Variants in TMEM263 observed in about 807,000 individuals in gnomAD.
TMEM263 encodes the protein UPF0444 transmembrane protein C12orf23.
A neutral mutation model predicts 8.6 loss-of-function variants in TMEM263; 5 were observed. That is an observed-to-expected ratio of 0.58 (90% CI 0.31 to 1.23). TMEM263 has a LOEUF of 1.23. Among genes scored for constraint, TMEM263 ranks in the 50% most tolerant of loss-of-function variants. TMEM263 has a pLI of 0.07. For synonymous variants in TMEM263, 50 were observed against 47.9 expected (o/e 1.04, Z -0.18); for missense variants, 104 against 138.8 (o/e 0.75, Z 1.26).
At chr12:106,961,079 G>C (rs979008491) in intron 2 of TMEM263, among the ~76,000 whole-genome samples, 1 of 152,026 alleles carries the variant, frequency 6.6e-6, no homozygotes, top group Non-Finnish European at 1.5e-5. Flanking sequence ...GTTTGAGACA[G>C]GGTCTCGCTC....
intron 3 of TMEM263, among the ~76,000 whole-genome samples, chr12:106,970,102 A>G (rs1307538462): frequency 1.3e-5 from 2 of 152,168 alleles, no homozygotes; most frequent in Non-Finnish European, 2.9e-5. Context: ...AGATAACACG[A>G]TTTTAAATGA....
chr12:106,958,348 C>T (rs1307764310), intron 2 of TMEM263, among the ~76,000 whole-genome samples: 1 of 151,896 alleles, frequency 6.6e-6, no homozygotes, highest in Admixed American at 6.5e-5. Context: ...TACTGAAACC[C>T]ACAAACAAGA....
intron 2 of TMEM263, 70 bp downstream of exon 2, chr12:106,957,219 TGC>T: frequency 3.2e-6 from 3 of 928,302 alleles, no homozygotes; most frequent in Non-Finnish European, 3.9e-6. Flanking sequence ...TGTATGTGTG[TGC>T]GCGCTCGCGC....
Position 106,962,217 on chromosome 12 carries a change from A to C in TMEM263, c.-6-4894A>C, listed in dbSNP as rs917800600. 3.5e-5 allele frequency among the ~76,000 whole-genome samples: 5 copies of C among 144,772 alleles called. No individual in the cohort carries two copies. In the East Asian group the frequency reaches 6.7e-4, roughly 19 times the overall value. 95.0% of individuals were successfully genotyped at this position (144,772 alleles called of 152,430 possible). A position where few individuals can be genotyped will look rare whatever the true frequency, so the allele number is the denominator to read the frequency against. ...AAAATGTAAAACTTATGTATTTCTA[A>C]CCCCCCCCGCCCCCTGGCAATCTTT... On this transcript the variant is annotated intron_variant, in intron 2 of 3. Coordinates refer to ENST00000280756, the MANE Select transcript of TMEM263 (RefSeq NM_152261.4).
At position 106,967,097 on chromosome 12, in the gene TMEM263, TG is replaced by T. The variant is rs772893796; in HGVS notation, c.-6-13del. On this transcript the variant is annotated splice_polypyrimidine_tract_variant and intron_variant, in intron 2 of 3. Coordinates refer to ENST00000280756, the MANE Select transcript of TMEM263 (RefSeq NM_152261.4). ...GAGGTTAAAATGAAATGTGTTTGTATGTTTTTTTTTTAGGAGATCATGAATC... is the reference window on the plus strand; with the variant it reads ...GAGGTTAAAATGAAATGTGTTTGTATTTTTTTTTTTAGGAGATCATGAATC... 7 of 1,518,222 alleles carry T rather than the reference TG, an allele frequency of 4.6e-6. No homozygotes were observed. The highest frequency in any genetic ancestry group is 2.8e-5 in the African/African-American group (2 of 71,400). The allele number at this position is 1,518,222 out of a possible 1,614,324, so 94.0% of individuals were successfully genotyped here.
At chr12:106,959,750 T>C (rs1275025409) in intron 2 of TMEM263, among the ~76,000 whole-genome samples, 1 of 152,182 alleles carries the variant, frequency 6.6e-6, no homozygotes, top group Non-Finnish European at 1.5e-5. Flanking sequence ...AGAGGTAATA[T>C]CACTAAAAGT....
chr12:106,967,034 C>T (rs1456819876), intron 2 of TMEM263, 77 bp from the exon 3 acceptor site: 23 of 904,248 alleles, frequency 2.5e-5, no homozygotes, highest in East Asian at 1.3e-4. Flanking sequence ...TTGATGAAAT[C>T]GCAATTTAGC....
At chr12:106,963,427 G>T (rs1177979737) in intron 2 of TMEM263, among the ~76,000 whole-genome samples, 1 of 152,170 alleles carries the variant, frequency 6.6e-6, no homozygotes, top group Non-Finnish European at 1.5e-5. Context: ...TTAGGCAACA[G>T]AATTTACCGA....
At position 106,972,561 on chromosome 12, in the gene TMEM263, C is replaced by T. The variant is rs1951936991; in HGVS notation, c.*1170C>T. 6.6e-6 allele frequency: 1 copy of T among 152,008 alleles called. No homozygotes were observed. The highest frequency in any genetic ancestry group is 6.6e-5 in the Admixed American group (1 of 15,262). 9.4% of individuals were successfully genotyped at this position (152,008 alleles called of 1,614,324 possible). On this transcript the variant is annotated 3_prime_UTR_variant, in exon 4 of 4. Transcript: ENST00000280756. The stretch of plus-strand genomic sequence containing the variant: ...CTTTAAAAACATGTTATCTTACAGT[C>T]CTTTAAAGCAGCCATAGAGTTTGTA...
chr12:106,965,135 CT>C, intron 2 of TMEM263, among the ~76,000 whole-genome samples: 1 of 152,322 alleles, frequency 6.6e-6, no homozygotes, highest in African/African-American at 2.4e-5. Flanking sequence ...CCCTGCCACA[CT>C]TTACTGGCTG....
rs1013850582 is a variant in TMEM263 at position 106,955,983 on chromosome 12, C to T, written c.-157C>T. On this transcript the variant is annotated 5_prime_UTR_variant, in exon 1 of 4. Transcript: ENST00000280756. ...CCGGGGTTGTGCCGGCCGCCGCTGC[C>T]GCCCAGGCCGCCTCAGCTCTCCTCT... 102 of 986,482 alleles carry T rather than the reference C, an allele frequency of 1.0e-4. No homozygotes were observed. In the African/African-American group the frequency reaches 1.4e-3, roughly 14 times the overall value. 61.1% of individuals were successfully genotyped at this position (986,482 alleles called of 1,614,324 possible).
At chr12:106,961,165 C>T (rs12099564) in intron 2 of TMEM263, among the ~76,000 whole-genome samples, 1 of 145,708 alleles carries the variant, frequency 6.9e-6, no homozygotes, top group African/African-American at 2.5e-5. Context: ...TTAAGCAGTT[C>T]TTCCTCTTCA....
intron 2 of TMEM263, among the ~76,000 whole-genome samples, chr12:106,965,958 CAGAT>C (rs569203884): frequency 7.2e-5 from 11 of 152,088 alleles, no homozygotes; most frequent in East Asian, 5.8e-4. Flanking sequence ...AGGACTTTCT[CAGAT>C]AGAACACCTT....
In TMEM263 at chr12:106,957,096, G is replaced by T; in HGVS notation, c.-60G>T. 1 of 985,472 alleles carries T rather than the reference G, an allele frequency of 1.0e-6. No individual in the cohort carries two copies. Among genetic ancestry groups the T allele is most frequent in the Non-Finnish European group, 1.2e-6 (1 of 830,028 alleles). 61.0% of individuals were successfully genotyped at this position (985,472 alleles called of 1,614,324 possible). Reference sequence around the variant, plus strand: ...CTATTGTTTAGCCTTTGAAACTTCTGCTGGTGTGAGTGCCCTCAGGGGTTC... The same window carrying T: ...CTATTGTTTAGCCTTTGAAACTTCTTCTGGTGTGAGTGCCCTCAGGGGTTC... On this transcript the variant is annotated 5_prime_UTR_variant, in exon 2 of 4. Transcript: ENST00000280756.
chr12:106,964,618 A>G (rs551778723), intron 2 of TMEM263, among the ~76,000 whole-genome samples: 1 of 152,324 alleles, frequency 6.6e-6, no homozygotes, highest in African/African-American at 2.4e-5. Context: ...ATGATGTGCT[A>G]AATTCTCAAA....
At chr12:106,966,227 A>G (rs1298361924) in intron 2 of TMEM263, among the ~76,000 whole-genome samples, 2 of 152,158 alleles carry the variant, frequency 1.3e-5, no homozygotes, top group Non-Finnish European at 2.9e-5. Flanking sequence ...TTCATAAGTG[A>G]GAAAATGCGG....
At chr12:106,969,248 A>G (rs1277488544) in intron 3 of TMEM263, among the ~76,000 whole-genome samples, 1 of 152,186 alleles carries the variant, frequency 6.6e-6, no homozygotes, top group Non-Finnish European at 1.5e-5. Context: ...CAGTTTCCCC[A>G]TGATACCTTC....
At chr12:106,969,889 C>T (rs1349541960) in intron 3 of TMEM263, among the ~76,000 whole-genome samples, 1 of 148,004 alleles carries the variant, frequency 6.8e-6, no homozygotes, top group Non-Finnish European at 1.5e-5. Context: ...AAAAAAAAAA[C>T]AAAGAAAATA....
At chr12:106,959,568 A>G (rs527260398) in intron 2 of TMEM263, among the ~76,000 whole-genome samples, 5 of 152,304 alleles carry the variant, frequency 3.3e-5, no homozygotes, top group South Asian at 2.1e-4. Context: ...CTCTACATAT[A>G]TACTCTAAAA....
Sources: gnomAD v4.1 joint callset for allele counts (sites outside exome capture counted in the v4.1 genomes callset) on GRCh38, gnomAD v4.1.1 for gene constraint, MANE v1.5 for transcripts, NCBI Gene and HGNC (gene_info 2026-07-23, HGNC 2026-07-21) for gene names.